CLMP: variants seen among roughly 807,000 people sequenced by gnomAD.
CLMP encodes the protein CXADR-like membrane protein.
A neutral mutation model predicts 45.2 loss-of-function variants in CLMP; 27 were observed. The ratio of observed to expected loss-of-function variants is 0.60; its 90% confidence interval spans 0.44 to 0.82. The LOEUF (loss-of-function observed/expected upper bound fraction) is 0.82. CLMP is among the 40% of genes least tolerant of loss of function. CLMP has a pLI of 0.00. For missense variants in CLMP, 403 were observed against 448.4 expected, an observed-to-expected ratio of 0.90 and a Z score of 0.91; for synonymous variants, 167 against 171.4, an observed-to-expected ratio of 0.97 and a Z score of 0.20.
At chr11:123,087,320 A>T (rs1015229359) in intron 2 of CLMP, among the ~76,000 whole-genome samples, 19 of 151,954 alleles carry the variant, frequency 1.3e-4, no homozygotes, top group Admixed American at 2.6e-4. Flanking sequence ...CTGAGCAACA[A>T]GAGCGAAACT....
chr11:123,170,840 G>GT (rs1415384022), intron 1 of CLMP, among the ~76,000 whole-genome samples: 3 of 152,268 alleles, frequency 2.0e-5, no homozygotes, highest in Middle Eastern at 3.4e-3. Flanking sequence ...TGCCTCCTTG[G>GT]TCACAGCTTA....
At chr11:123,099,267 A>G (rs549709470) in intron 1 of CLMP, among the ~76,000 whole-genome samples, 21 of 152,214 alleles carry the variant, frequency 1.4e-4, no homozygotes, top group Non-Finnish European at 2.8e-4. Flanking sequence ...AGCTGGAGAA[A>G]ACCTTAGAGA....
rs534878395 is a variant in CLMP at position 123,110,957 on chromosome 11, C to T, written c.29-13005G>A. On this transcript the variant is annotated intron_variant, in intron 1 of 6. Coordinates refer to ENST00000448775, the MANE Select transcript of CLMP (RefSeq NM_024769.5). ...GGGGTCCTTATATGTGGATGTTAAA[C>T]CCAATATTTAATGTCTTTTCTAACT... Among the ~76,000 whole-genome samples, 3 of 152,056 alleles carry T rather than the reference C, an allele frequency of 2.0e-5. No homozygotes were observed. The South Asian group carries it at 6.2e-4, about 32-fold the overall frequency.
chr11:123,110,316 T>G, intron 1 of CLMP, among the ~76,000 whole-genome samples: 1 of 151,934 alleles, frequency 6.6e-6, no homozygotes, highest in East Asian at 1.9e-4. Context: ...TAGCCGGCCG[T>G]GTTGGCAGGC....
rs1865802232 is a variant in CLMP, at chr11:123,081,364, A to G, written c.679+1721T>C. On this transcript the variant is annotated intron_variant, in intron 5 of 6. Coordinates refer to ENST00000448775, the MANE Select transcript of CLMP (RefSeq NM_024769.5). ...TGTCTTTTTTCAAGACTCAATCTCT[A>G]GATTATAAGCCTGGCATACTATTTA... Among the ~76,000 whole-genome samples, 3 of 152,292 alleles carry G rather than the reference A, an allele frequency of 2.0e-5. No homozygotes were observed. In the South Asian group the frequency reaches 6.2e-4, roughly 32 times the overall value.
chr11:123,157,385 T>G (rs11603148), intron 1 of CLMP, among the ~76,000 whole-genome samples: 1 of 151,942 alleles, frequency 6.6e-6, no homozygotes, highest in Non-Finnish European at 1.5e-5. Context: ...AGAAACCCCA[T>G]CTCTACTAAA....
intron 2 of CLMP, among the ~76,000 whole-genome samples, chr11:123,089,511 A>G (rs1284339986): frequency 6.6e-6 from 1 of 152,182 alleles, no homozygotes; most frequent in Non-Finnish European, 1.5e-5. Context: ...CATGCCTGTA[A>G]TCCCAGCACT....
At chr11:123,117,650 C>T (rs1054824219) in intron 1 of CLMP, among the ~76,000 whole-genome samples, 1 of 152,114 alleles carries the variant, frequency 6.6e-6, no homozygotes, top group Non-Finnish European at 1.5e-5. Context: ...TGGTCTCGAA[C>T]TCCTAACCTC....
chr11:123,125,265 T>A (rs1353561405), intron 1 of CLMP, among the ~76,000 whole-genome samples: 3 of 152,142 alleles, frequency 2.0e-5, no homozygotes, highest in Non-Finnish European at 2.9e-5. Flanking sequence ...ATGTCCCAAA[T>A]CTCCAAGGTC....
intron 1 of CLMP, among the ~76,000 whole-genome samples, chr11:123,157,051 A>G (rs1861423978): frequency 6.6e-6 from 1 of 152,200 alleles, no homozygotes; most frequent in Non-Finnish European, 1.5e-5. Flanking sequence ...CTTGGGGCCA[A>G]TTTATCACCT....
intron 1 of CLMP, among the ~76,000 whole-genome samples, chr11:123,142,675 G>A (rs914783278): frequency 1.6e-5 from 2 of 128,902 alleles, no homozygotes; most frequent in East Asian, 2.3e-4. Flanking sequence ...GCCGGACTGC[G>A]GACTGCAGTG....
Position 123,072,461 on chromosome 11 carries a change from A to C in CLMP, c.*1013T>G, listed in dbSNP as rs983084909. 3 of 152,142 alleles carry C rather than the reference A, an allele frequency of 2.0e-5. No individual in the cohort carries two copies. Among genetic ancestry groups the C allele is most frequent in the African/African-American group, 7.2e-5 (3 of 41,434 alleles). The allele number at this position is 152,142 out of a possible 1,614,324, so 9.4% of individuals were successfully genotyped here. On this transcript the variant is annotated 3_prime_UTR_variant, in exon 7 of 7. Transcript: ENST00000448775. ...CTACCTTCCTTGACATATTAAGAGA[A>C]AACTGATCTAATCTCCCTTTCTAGT...
intron 1 of CLMP, among the ~76,000 whole-genome samples, chr11:123,098,770 G>C (rs1229738076): frequency 6.8e-6 from 1 of 147,618 alleles, no homozygotes; most frequent in Non-Finnish European, 1.5e-5. Context: ...GCAGTGGTGC[G>C]ATCTCGGCTC....
intron 1 of CLMP, among the ~76,000 whole-genome samples, chr11:123,140,024 T>C (rs1258113382): frequency 6.6e-6 from 1 of 152,146 alleles, no homozygotes; most frequent in African/African-American, 2.4e-5. Flanking sequence ...ATGGTTGGAA[T>C]ATTATGGTTT....
At chr11:123,082,998 T>C in intron 5 of CLMP, 87 bp downstream of exon 5, 1 of 1,511,674 alleles carries the variant, frequency 6.6e-7, no homozygotes, top group Admixed American at 1.8e-5. Flanking sequence ...TTAACCTTAC[T>C]CTTACTTATG....
chr11:123,124,913 T>C (rs941064933), intron 1 of CLMP, among the ~76,000 whole-genome samples: 39 of 152,214 alleles, frequency 2.6e-4, no homozygotes, highest in African/African-American at 9.4e-4. Flanking sequence ...CATTTCTTTT[T>C]TGAGACAGGG....
intron 1 of CLMP, among the ~76,000 whole-genome samples, chr11:123,118,506 T>C (rs760589709): frequency 6.6e-6 from 1 of 152,216 alleles, no homozygotes; most frequent in Admixed American, 6.5e-5. Flanking sequence ...ACTTAGCTCA[T>C]GCTTGACAAA....
At chr11:123,155,056 T>C (rs1018697360) in intron 1 of CLMP, among the ~76,000 whole-genome samples, 21 of 152,346 alleles carry the variant, frequency 1.4e-4, no homozygotes, top group African/African-American at 3.8e-4. Context: ...TGACACGATC[T>C]CAGCTCACTG....
At chr11:123,118,953 CTTTCTTTCTTTCT>C (rs1440542580) in intron 1 of CLMP, among the ~76,000 whole-genome samples, 2 of 26,600 alleles carry the variant, frequency 7.5e-5, no homozygotes, top group Non-Finnish European at 1.5e-4. Context: ...TTCTTTCTTT[CTTTCTTTCTTTCT>C]TTCTTTCTTT....
Sources: allele counts gnomAD v4.1 joint callset (sites outside exome capture counted in the v4.1 genomes callset), GRCh38; gene constraint gnomAD v4.1.1; transcripts MANE v1.5; gene names NCBI Gene and HGNC (gene_info 2026-07-23, HGNC 2026-07-21).